Variants in PCCA observed in about 807,000 individuals in gnomAD.
The protein encoded by PCCA is propionyl-CoA carboxylase alpha chain, mitochondrial.
In PCCA, 74 loss-of-function variants were observed where a neutral mutation model predicts 101.3. The observed-to-expected ratio is 0.73, with a 90% CI of 0.61 to 0.89. The LOEUF (loss-of-function observed/expected upper bound fraction) is 0.89. Among genes scored for constraint, PCCA ranks in the 40% least tolerant of loss-of-function variants. The pLI, the probability that PCCA is intolerant of heterozygous loss-of-function variation, is 0.00. For missense variants in PCCA, 891 were observed against 907.0 expected (o/e 0.98, Z 0.23); for synonymous variants, 294 against 313.6 (o/e 0.94, Z 0.66).
chr13:100,204,285 A>T (rs1179191887), intron 6 of PCCA, among the ~76,000 whole-genome samples: 2 of 152,152 alleles, frequency 1.3e-5, no homozygotes, highest in African/African-American at 4.8e-5. Flanking sequence ...GACCACAGGT[A>T]TACACCACCA....
Position 100,328,371 on chromosome 13 carries a change from T to TATAATAATA in PCCA, c.1430-2163_1430-2155dup, listed in dbSNP as rs58866207. The stretch of plus-strand genomic sequence containing the variant: ...GAGTGAGACCCTGTCTCAAAAAATA[T>TATAATAATA]ATAATAATAATAATAATAATAATAA... On this transcript the variant is annotated intron_variant, in intron 16 of 23. Transcript: ENST00000376285. 3.3e-3 allele frequency among the ~76,000 whole-genome samples: 474 copies of TATAATAATA among 141,862 alleles called. 1 individual carries two copies. The highest frequency in any genetic ancestry group is 0.012 in the South Asian group (51 of 4,402). 93.1% of individuals were successfully genotyped at this position (141,862 alleles called of 152,430 possible).
chr13:100,377,458 T>G (rs1255860043), intron 19 of PCCA, among the ~76,000 whole-genome samples: 1 of 152,068 alleles, frequency 6.6e-6, no homozygotes, highest in Non-Finnish European at 1.5e-5. Flanking sequence ...TTGGGTCATA[T>G]GTTTATTCAG....
intron 22 of PCCA, among the ~76,000 whole-genome samples, chr13:100,519,916 G>A (rs1336559661): frequency 6.6e-6 from 1 of 152,198 alleles, no homozygotes; most frequent in African/African-American, 2.4e-5. Context: ...CTGCTTCATA[G>A]ACTTTCCAGT....
intron 20 of PCCA, among the ~76,000 whole-genome samples, chr13:100,436,476 A>G (rs1449961749): frequency 1.3e-5 from 2 of 152,234 alleles, no homozygotes; most frequent in African/African-American, 2.4e-5. Context: ...TCTGCCACAC[A>G]GAAAAGGTGG....
Position 100,243,041 on chromosome 13 carries a change from A to G in PCCA, c.637+7163A>G, listed in dbSNP as rs147677346. Among the ~76,000 whole-genome samples, 328 of 152,230 alleles carry G rather than the reference A, an allele frequency of 2.2e-3. 2 individuals carry two copies. Among genetic ancestry groups the G allele is most frequent in the African/African-American group, 7.6e-3 (316 of 41,532 alleles). ...CCCCCACTTAGCTGGGACTACAGGC[A>G]TGCACCACCACGCCTGGCTAATTTT... is the stretch of plus-strand genomic sequence containing the variant. On this transcript the variant is annotated intron_variant, in intron 8 of 23. Transcript: ENST00000376285.
chr13:100,181,068 G>A (rs2056745317), intron 6 of PCCA, among the ~76,000 whole-genome samples: 1 of 152,216 alleles, frequency 6.6e-6, no homozygotes, highest in Non-Finnish European at 1.5e-5. Flanking sequence ...GAATGAGAGA[G>A]CTTAGTTGCT....
At position 100,273,369 on chromosome 13, in the gene PCCA, C is replaced by T. The variant is rs750974793; in HGVS notation, c.1065+23C>T. 5 of 1,577,934 alleles carry T rather than the reference C, an allele frequency of 3.2e-6. No homozygotes were observed. The African/African-American group carries it at 5.4e-5, about 17-fold the overall frequency. ...CAGGTAACAACAACTGTTATTTATT[C>T]CTCTCCATGCCTCTGTACTTTACCC... On this transcript the variant is annotated intron_variant, in intron 12 of 23. Transcript: ENST00000376285.
At chr13:100,103,021 G>A (rs930828848) in intron 2 of PCCA, 61 bp downstream of exon 2, 19 of 1,070,400 alleles carry the variant, frequency 1.8e-5, no homozygotes, top group East Asian at 1.2e-4. Flanking sequence ...TTACTTTCTC[G>A]TCTCCACACT....
chr13:100,117,843 G>C (rs185213608), intron 4 of PCCA, among the ~76,000 whole-genome samples: 2 of 152,040 alleles, frequency 1.3e-5, no homozygotes, highest in Non-Finnish European at 2.9e-5. Flanking sequence ...GAGGCCGGGC[G>C]TAGTGGCTCA....
chr13:100,145,589 C>T lies in PCCA; in HGVS notation c.301-9390C>T, dbSNP rs11840220. Among the ~76,000 whole-genome samples, 83 of 152,156 alleles carry T rather than the reference C, an allele frequency of 5.5e-4. 1 individual carries two copies. The highest frequency in any genetic ancestry group is 1.8e-3 in the African/African-American group (76 of 41,508). On this transcript the variant is annotated intron_variant, in intron 4 of 23. Transcript: ENST00000376285. ...AGAATGTTTAGGTATAACGGTAGGG[C>T]GCAGTGGCTCACGCCTGTAATCCCA...
chr13:100,521,977 C>T (rs2087337303), intron 22 of PCCA, among the ~76,000 whole-genome samples: 1 of 152,220 alleles, frequency 6.6e-6, no homozygotes, highest in African/African-American at 2.4e-5. Flanking sequence ...TTCTTCCTCC[C>T]ACCCACCCTT....
At chr13:100,174,727 CA>C (rs35584409) in intron 6 of PCCA, among the ~76,000 whole-genome samples, 19,492 of 80,596 alleles carry the variant, frequency 0.24, 1,293 homozygotes, top group Middle Eastern at 0.35. Context: ...GACCCCATCT[CA>C]AAAAAAAAAA....
At chr13:100,143,766 T>C (rs1376442321) in intron 4 of PCCA, among the ~76,000 whole-genome samples, 3 of 152,022 alleles carry the variant, frequency 2.0e-5, no homozygotes, top group African/African-American at 7.2e-5. Flanking sequence ...GTTGTTTGTT[T>C]GGTTTTGAGT....
intron 7 of PCCA, among the ~76,000 whole-genome samples, chr13:100,232,356 G>GTT (rs1426678374): frequency 7.0e-6 from 1 of 142,596 alleles, no homozygotes; most frequent in Non-Finnish European, 1.5e-5. Flanking sequence ...GTATGCGTGT[G>GTT]TGTGTGTGTG....
rs2081858873 is a variant in PCCA at position 100,457,838 on chromosome 13, G to A, written c.1899+8533G>A. 1.3e-5 allele frequency among the ~76,000 whole-genome samples: 2 copies of A among 152,148 alleles called. 1 individual carries two copies. The highest frequency in any genetic ancestry group is 4.8e-5 in the African/African-American group (2 of 41,424). Reference sequence around the variant, plus strand: ...CAGAGATAGCTAAGAGCAAGTGTGAGCCCTCTAGTCCCTGCCATGCCCCCC... The same window carrying A: ...CAGAGATAGCTAAGAGCAAGTGTGAACCCTCTAGTCCCTGCCATGCCCCCC... On this transcript the variant is annotated intron_variant, in intron 21 of 23. Coordinates refer to ENST00000376285, the MANE Select transcript of PCCA (RefSeq NM_000282.4).
chr13:100,421,113 A>G (rs1252728693), intron 19 of PCCA, among the ~76,000 whole-genome samples: 1 of 152,172 alleles, frequency 6.6e-6, no homozygotes, highest in African/African-American at 2.4e-5. Context: ...AGGCTGAGAC[A>G]GGAGAATCGC....
chr13:100,189,448 A>G (rs910297319), intron 6 of PCCA, among the ~76,000 whole-genome samples: 4 of 152,034 alleles, frequency 2.6e-5, no homozygotes, highest in Non-Finnish European at 5.9e-5. Context: ...GGGATTGTTC[A>G]TTTTTTTATT....
In PCCA at chr13:100,376,864, C is replaced by A. The variant is rs574424520; in HGVS notation, c.1746+8290C>A. Among the ~76,000 whole-genome samples the A allele has an allele frequency of 1.2e-3, 176 of 152,302 alleles. 1 individual carries two copies. Among genetic ancestry groups the A allele is most frequent in the African/African-American group, 4.0e-3 (166 of 41,574 alleles). The stretch of plus-strand genomic sequence containing the variant: ...CACCACTGGGGTATGAAAAAAAACT[C>A]CTGCAGCTAGCTTGGTGTCTGCCCA... On this transcript the variant is annotated intron_variant, in intron 19 of 23. Coordinates refer to ENST00000376285, the MANE Select transcript of PCCA (RefSeq NM_000282.4).
intron 4 of PCCA, among the ~76,000 whole-genome samples, chr13:100,152,727 T>A (rs1374286094): frequency 6.6e-6 from 1 of 152,230 alleles, no homozygotes; most frequent in African/African-American, 2.4e-5. Context: ...ATTACAGGCA[T>A]GAGCCACCGC....
Sources: gnomAD v4.1 joint callset for allele counts (sites outside exome capture counted in the v4.1 genomes callset) on GRCh38, gnomAD v4.1.1 for gene constraint, MANE v1.5 for transcripts, NCBI Gene and HGNC (gene_info 2026-07-23, HGNC 2026-07-21) for gene names.